Variants in P4HB observed in about 807,000 individuals in gnomAD.
P4HB encodes prolyl 4-hydroxylase subunit beta.
In P4HB, 20 loss-of-function variants were observed where a neutral mutation model predicts 52.6. That is an observed-to-expected ratio of 0.38 (90% CI 0.27 to 0.55). The LOEUF (loss-of-function observed/expected upper bound fraction) is 0.55. Ranked by LOEUF, P4HB falls within the 20% of genes least tolerant of loss-of-function variation. The probability of loss-of-function intolerance (pLI) is 0.74; values close to 1 mark genes in which losing one functional copy is unlikely to be tolerated. For synonymous variants in P4HB, 296 were observed against 277.9 expected, an observed-to-expected ratio of 1.07 and a Z score of -0.65; for missense variants, 601 against 669.2, an observed-to-expected ratio of 0.90 and a Z score of 1.12.
Position 81,855,056 on chromosome 17 carries a change from G to C in P4HB, c.624+86C>G, listed in dbSNP as rs1182490339. On this transcript the variant is annotated intron_variant, in intron 4 of 10. Coordinates refer to ENST00000331483, the MANE Select transcript of P4HB (RefSeq NM_000918.4). This position sits in a 1 kb window ranked among gnomAD's most constrained non-coding sequence, Gnocchi z 4.3. ...TTGGGCCAAAGGTGCCAGGAGCAAG[G>C]TTCCCTTAACGATAAGGAGAGCAAC... 2.9e-6 allele frequency: 4 copies of C among 1,358,686 alleles called. No homozygotes were observed. In the African/African-American group the frequency reaches 5.7e-5, roughly 19 times the overall value. The allele number at this position is 1,358,686 out of a possible 1,614,324, so 84.2% of individuals were successfully genotyped here.
At chr17:81,856,375 T>G (rs1056327228) in intron 2 of P4HB, among the ~76,000 whole-genome samples, 1 of 150,646 alleles carries the variant, frequency 6.6e-6, no homozygotes, top group Non-Finnish European at 1.5e-5. Flanking sequence ...TTTGCTCTTG[T>G]TGCTCAGGCT....
At position 81,846,280 on chromosome 17, in the gene P4HB, A is replaced by C. The variant is rs2038734269; in HGVS notation, c.1056+149T>G. On this transcript the variant is annotated intron_variant, in intron 7 of 10. Transcript: ENST00000331483. This position sits in a 1 kb window ranked among gnomAD's most constrained non-coding sequence, Gnocchi z 5.7. ...CCTACAGGTCCCCAAAGGTGTGACA[A>C]GAATGGTGGTCTTCACACCATCTTG... The C allele has an allele frequency of 6.5e-6, 5 of 774,644 alleles. No homozygotes were observed. Among genetic ancestry groups the C allele is most frequent in the Non-Finnish European group, 1.0e-5 (5 of 476,680 alleles). The allele number at this position is 774,644 out of a possible 1,614,324, so 48.0% of individuals were successfully genotyped here.
intron 4 of P4HB, among the ~76,000 whole-genome samples, chr17:81,854,543 CAA>C (rs201912042): frequency 5.0e-5 from 6 of 119,214 alleles, no homozygotes; most frequent in Admixed American, 8.8e-5. Context: ...AACCCTATCT[CAA>C]AAAAAAAAAA....
In P4HB at chr17:81,846,797, C is replaced by A; in HGVS notation, c.855+150G>T. On this transcript the variant is annotated intron_variant, in intron 6 of 10. Coordinates refer to ENST00000331483, the MANE Select transcript of P4HB (RefSeq NM_000918.4). The surrounding 1 kb of genome is among the most constrained non-coding windows in gnomAD (Gnocchi z 5.7). ...GACTGGGAGCAGAGGTCTGGCCTGG[C>A]TGGCCCCTCGCCTACATCCAGGCTG... The A allele has an allele frequency of 8.1e-7, 1 of 1,232,300 alleles. No homozygotes were observed. The highest frequency in any genetic ancestry group is 1.2e-6 in the Non-Finnish European group (1 of 865,022). The allele number at this position is 1,232,300 out of a possible 1,614,324, so 76.3% of individuals were successfully genotyped here. A position where few individuals can be genotyped will look rare whatever the true frequency, so the allele number is the denominator to read the frequency against.
intron 4 of P4HB, among the ~76,000 whole-genome samples, chr17:81,851,623 C>T (rs1362231975): frequency 2.0e-5 from 3 of 152,172 alleles, no homozygotes; most frequent in African/African-American, 4.8e-5. Context: ...AACGCCGGGC[C>T]GCAACTGCAG....
intron 4 of P4HB, 88 bp from the exon 5 acceptor site, chr17:81,847,435 G>A: frequency 9.3e-7 from 1 of 1,071,424 alleles, no homozygotes; most frequent in Non-Finnish European, 1.5e-6. Flanking sequence ...GGAAGTCACA[G>A]CAGCCAGCAG....
chr17:81,853,756 C>G (rs935668466), intron 4 of P4HB, among the ~76,000 whole-genome samples: 2 of 152,134 alleles, frequency 1.3e-5, no homozygotes, highest in African/African-American at 4.8e-5. Context: ...CCCCGGCCGC[C>G]CTCCTGCCCC....
Position 81,855,392 on chromosome 17 carries a change from C to G in P4HB, c.486+61G>C. 6.3e-7 allele frequency: 1 copy of G among 1,595,918 alleles called. No individual in the cohort carries two copies. The highest frequency in any genetic ancestry group is 8.6e-7 in the Non-Finnish European group (1 of 1,167,790). ...CACGTGCAGAACTGCCAGCTGCAGG[C>G]TGTGGACCCCTCCTCAATGGATGAC... On this transcript the variant is annotated intron_variant, in intron 3 of 10. Coordinates refer to ENST00000331483, the MANE Select transcript of P4HB (RefSeq NM_000918.4). This position sits in a 1 kb window ranked among gnomAD's most constrained non-coding sequence, Gnocchi z 4.3.
At chr17:81,858,427 G>A (rs1018563896) in intron 2 of P4HB, among the ~76,000 whole-genome samples, 10 of 152,036 alleles carry the variant, frequency 6.6e-5, no homozygotes, top group Admixed American at 6.6e-4. Context: ...ACTAGAACAG[G>A]ACAGGGCACA....
At chr17:81,844,632 C>A (rs1220780822) in intron 10 of P4HB, among the ~76,000 whole-genome samples, 1 of 152,228 alleles carries the variant, frequency 6.6e-6, no homozygotes, top group Non-Finnish European at 1.5e-5. Flanking sequence ...CCAGCCTGGG[C>A]TGACCATGCC....
In P4HB at chr17:81,846,620, T is replaced by C. The variant is rs1368060885; in HGVS notation, c.865A>G (p.Ile289Val). 3 of 1,613,750 alleles carry C rather than the reference T, an allele frequency of 1.9e-6. No individual in the cohort carries two copies. The highest frequency in any genetic ancestry group is 2.5e-6 in the Non-Finnish European group (3 of 1,179,988). The change falls in exon 7 of 11, where the codon ATC becomes GTC. Residue 289 changes from isoleucine (I) to valine (V), a missense_variant. Ile to Val is a conservative substitution (Grantham distance 29). Coordinates refer to ENST00000331483, the MANE Select transcript of P4HB (RefSeq NM_000918.4). The surrounding 1 kb of genome is among the most constrained non-coding windows in gnomAD (Gnocchi z 5.7). The part of the protein sequence containing the change: ...AESFKGKILF[I>V]FIDSDHTDNQ... ...TCGGTGTGGTCGCTGTCGATGAAGA[T>C]GAACAGGATCTGGGGGAGAAAAGGA...
rs780393047 is a variant in P4HB at position 81,843,609 on chromosome 17, G to A, written c.*403C>T. 4.4e-6 allele frequency: 2 copies of A among 457,996 alleles called. No individual in the cohort carries two copies. Among genetic ancestry groups the A allele is most frequent in the African/African-American group, 2.0e-5 (1 of 50,170 alleles). The allele number at this position is 457,996 out of a possible 1,614,324, so 28.4% of individuals were successfully genotyped here. On this transcript the variant is annotated 3_prime_UTR_variant, in exon 11 of 11. Transcript: ENST00000331483. The stretch of plus-strand genomic sequence containing the variant: ...AGCTTCTCCGAGGAGGCCTGGCCAA[G>A]GTGGAACAAATACCCTGATGTCGAA...
At chr17:81,860,155 C>T (rs779041949) in intron 1 of P4HB, 172 bp downstream of exon 1, 4 of 495,334 alleles carry the variant, frequency 8.1e-6, no homozygotes, top group Non-Finnish European at 1.3e-5. Context: ...CCCAGCCCGG[C>T]TCTCACCCCC....
intron 2 of P4HB, among the ~76,000 whole-genome samples, chr17:81,856,247 A>G (rs987056030): frequency 6.7e-6 from 1 of 150,220 alleles, no homozygotes; most frequent in African/African-American, 2.5e-5. Flanking sequence ...GCTCACTGCA[A>G]CCTCGAACTT....
intron 2 of P4HB, among the ~76,000 whole-genome samples, chr17:81,857,641 G>A (rs778564330): frequency 3.9e-5 from 6 of 152,158 alleles, no homozygotes; most frequent in African/African-American, 1.4e-4. Flanking sequence ...TATCCCAGGC[G>A]TTTCGGGAGT....
At position 81,858,047 on chromosome 17, in the gene P4HB, G is replaced by T. The variant is rs112098160; in HGVS notation, c.352+1134C>A. Among the ~76,000 whole-genome samples, 705 of 152,104 alleles carry T rather than the reference G, an allele frequency of 4.6e-3. 6 individuals are homozygous for T. Among genetic ancestry groups the T allele is most frequent in the African/African-American group, 0.016 (651 of 41,494 alleles). On this transcript the variant is annotated intron_variant, in intron 2 of 10. Coordinates refer to ENST00000331483, the MANE Select transcript of P4HB (RefSeq NM_000918.4). ...TCCTAGCACTCTAGGAGGCCGAGAC[G>T]GGTGGATCACGAGGTCACGATCGAG...
intron 10 of P4HB, among the ~76,000 whole-genome samples, chr17:81,844,356 G>A (rs1316700541): frequency 6.6e-6 from 1 of 152,214 alleles, no homozygotes; most frequent in African/African-American, 2.4e-5. Flanking sequence ...GCTCAGCCTT[G>A]GACCCTTCCA....
chr17:81,860,371 A>G lies in P4HB; in HGVS notation c.101T>C (p.Phe34Ser). The G allele has an allele frequency of 6.8e-7, 1 of 1,473,560 alleles. No homozygotes were observed. The highest frequency in any genetic ancestry group is 9.0e-7 in the Non-Finnish European group (1 of 1,111,680). 91.3% of individuals were successfully genotyped at this position (1,473,560 alleles called of 1,614,324 possible). ...DHVLVLRKSN[F>S]AEALAAHKYL... Reference sequence around the variant, plus strand: ...CTTGTGGGCCGCCAGCGCCTCCGCGAAGTTGCTTTTCCGCAGCACCAGGAC... The same window carrying G: ...CTTGTGGGCCGCCAGCGCCTCCGCGGAGTTGCTTTTCCGCAGCACCAGGAC... The change falls in exon 1 of 11, where the codon TTC becomes TCC. Residue 34 changes from phenylalanine (F) to serine (S), a missense_variant. Phe to Ser is a radical substitution (Grantham distance 155, BLOSUM62 -2). Coordinates refer to ENST00000331483, the MANE Select transcript of P4HB (RefSeq NM_000918.4).
intron 1 of P4HB, chr17:81,859,979 T>G: frequency 4.7e-6 from 1 of 214,784 alleles, no homozygotes. Context: ...AAGCTGAAGG[T>G]GGGGTGGGCA....
Sources: allele counts gnomAD v4.1 joint callset (sites outside exome capture counted in the v4.1 genomes callset), GRCh38; gene constraint gnomAD v4.1.1; non-coding constraint Gnocchi (gnomAD v3.1); transcripts MANE v1.5; gene names NCBI Gene and HGNC (gene_info 2026-07-23, HGNC 2026-07-21).